NR2F1-AS1: variants seen among roughly 807,000 people sequenced by gnomAD.
NR2F1-AS1 encodes the protein NR2F1 regulatory antisense RNA 1.
At chr5:93,488,145 G>A (rs972861540) in intron 4 of NR2F1-AS1, among the ~76,000 whole-genome samples, 1 of 152,122 alleles carries the variant, frequency 6.6e-6, no homozygotes, top group African/African-American at 2.4e-5. Context: ...AACCCTAGAA[G>A]AAAACCTATG....
intron 4 of NR2F1-AS1, among the ~76,000 whole-genome samples, chr5:93,523,908 CA>C (rs1751556810): frequency 6.6e-6 from 1 of 151,960 alleles, no homozygotes; most frequent in South Asian, 2.1e-4. Context: ...AAAGACAGTG[CA>C]AAAAGGCTGA....
At chr5:93,460,101 T>TA (rs968744272) in intron 4 of NR2F1-AS1, among the ~76,000 whole-genome samples, 4 of 150,492 alleles carry the variant, frequency 2.7e-5, no homozygotes, top group African/African-American at 7.3e-5. Flanking sequence ...CAAACATCTT[T>TA]AAAAAAAAAA....
At chr5:93,437,428 G>C (rs1561436103) in intron 4 of NR2F1-AS1, among the ~76,000 whole-genome samples, 1 of 151,930 alleles carries the variant, frequency 6.6e-6, no homozygotes, top group Non-Finnish European at 1.5e-5. Flanking sequence ...TTTTAATGTG[G>C]CTACTAGAAA....
At chr5:93,528,672 G>A (rs986238787) in intron 4 of NR2F1-AS1, among the ~76,000 whole-genome samples, 6 of 152,170 alleles carry the variant, frequency 3.9e-5, no homozygotes, top group African/African-American at 1.2e-4. Context: ...ACGATAGACT[G>A]GATAAAGAAA....
intron 4 of NR2F1-AS1, among the ~76,000 whole-genome samples, chr5:93,501,360 T>TC (rs1751075924): frequency 6.7e-6 from 1 of 149,984 alleles, no homozygotes; most frequent in Admixed American, 6.6e-5. Flanking sequence ...GGGGGAATTT[T>TC]TTTTTTTTTT....
At chr5:93,584,948 C>A, upstream of NR2F1-AS1, 1 of 357,270 alleles carries the variant, frequency 2.8e-6, no homozygotes, top group Non-Finnish European at 3.9e-6. Flanking sequence ...TCCCCTTCCC[C>A]TCCCAGCGCG....
rs543635235 is a variant in NR2F1-AS1, at chr5:93,520,254, G to A, written n.638+33507C>T. On this transcript the variant is annotated intron_variant and non_coding_transcript_variant, in intron 4 of 5. Transcript: ENST00000660523. The stretch of plus-strand genomic sequence containing the variant: ...GTTTACTTTTGCATCTTTGAAGCCT[G>A]GAAATATATTTGTTTTGGTTACTCT... Among the ~76,000 whole-genome samples, 3 of 152,052 alleles carry A rather than the reference G, an allele frequency of 2.0e-5. No homozygotes were observed. The South Asian group carries it at 6.2e-4, about 32-fold the overall frequency.
At chr5:93,462,714 A>C (rs1750124677) in intron 4 of NR2F1-AS1, among the ~76,000 whole-genome samples, 1 of 152,198 alleles carries the variant, frequency 6.6e-6, no homozygotes, top group African/African-American at 2.4e-5. Flanking sequence ...GATGGAGATG[A>C]GCAACTTGTT....
At chr5:93,427,434 C>T (rs113565051) in intron 4 of NR2F1-AS1, among the ~76,000 whole-genome samples, 96 of 152,300 alleles carry the variant, frequency 6.3e-4, no homozygotes, top group African/African-American at 2.2e-3. Context: ...CACTTCTGCA[C>T]TTCGGGAGCA....
intron 4 of NR2F1-AS1, among the ~76,000 whole-genome samples, chr5:93,483,440 G>A (rs138211986): frequency 0.016 from 2,402 of 152,212 alleles, 63 homozygotes; most frequent in African/African-American, 0.051. Flanking sequence ...AACCCCATCC[G>A]AAGGTCACCA....
At chr5:93,565,141 C>T (rs973762083) in intron 1 of NR2F1-AS1, among the ~76,000 whole-genome samples, 6 of 152,178 alleles carry the variant, frequency 3.9e-5, no homozygotes, top group Non-Finnish European at 7.3e-5. Flanking sequence ...TTATTCCCTG[C>T]CCTGTGACTT....
At chr5:93,459,205 T>C (rs1031320685) in intron 4 of NR2F1-AS1, among the ~76,000 whole-genome samples, 2 of 152,104 alleles carry the variant, frequency 1.3e-5, no homozygotes, top group Non-Finnish European at 2.9e-5. Context: ...ATCTGAAATA[T>C]TCAGATATTT....
intron 4 of NR2F1-AS1, among the ~76,000 whole-genome samples, chr5:93,445,939 A>G (rs1432490588): frequency 6.6e-6 from 1 of 152,224 alleles, no homozygotes; most frequent in African/African-American, 2.4e-5. Flanking sequence ...AACAGAACCA[A>G]AGATAAAAAC....
At chr5:93,412,083 A>G (rs1321861245) in intron 4 of NR2F1-AS1, among the ~76,000 whole-genome samples, 1 of 152,222 alleles carries the variant, frequency 6.6e-6, no homozygotes. Context: ...GCAGCATGGA[A>G]GGATCCAGTC....
At chr5:93,518,994 C>T (rs1309888550) in intron 4 of NR2F1-AS1, among the ~76,000 whole-genome samples, 1 of 152,070 alleles carries the variant, frequency 6.6e-6, no homozygotes, top group Non-Finnish European at 1.5e-5. Context: ...ATAAAAATCA[C>T]TACACTTAAG....
At chr5:93,451,746 T>G (rs775241523) in intron 4 of NR2F1-AS1, among the ~76,000 whole-genome samples, 4 of 152,210 alleles carry the variant, frequency 2.6e-5, no homozygotes, top group Admixed American at 6.5e-5. Flanking sequence ...TCCCTACCAC[T>G]GAGCACATTT....
chr5:93,466,905 G>GGC (rs1554065108), intron 4 of NR2F1-AS1, among the ~76,000 whole-genome samples: 1 of 21,614 alleles, frequency 4.6e-5, no homozygotes, highest in Admixed American at 5.9e-4. Flanking sequence ...TCCCTTTTTT[G>GGC]GGGGGGGGGG....
At chr5:93,466,124 G>A (rs1354732945) in intron 4 of NR2F1-AS1, among the ~76,000 whole-genome samples, 1 of 151,854 alleles carries the variant, frequency 6.6e-6, no homozygotes, top group Non-Finnish European at 1.5e-5. Flanking sequence ...AGGGATGGAA[G>A]CAAAAGAGAG....
intron 2 of NR2F1-AS1, among the ~76,000 whole-genome samples, chr5:93,558,270 A>C (rs1752406626): frequency 6.6e-6 from 1 of 152,078 alleles, no homozygotes; most frequent in African/African-American, 2.4e-5. Context: ...GCCCAGATGC[A>C]TCAGAGGAAT....
Sources: gnomAD v4.1 joint callset for allele counts (sites outside exome capture counted in the v4.1 genomes callset) on GRCh38, gnomAD v4.1.1 for gene constraint, MANE v1.5 for transcripts, NCBI Gene and HGNC (gene_info 2026-07-23, HGNC 2026-07-21) for gene names.